The following TLK1 variants were observed in gnomAD, a reference collection of about 807,000 sequenced individuals.
TLK1 encodes the protein tousled like kinase 1, also known as serine/threonine-protein kinase tousled-like 1.
In TLK1, 24 loss-of-function variants were observed where a neutral mutation model predicts 105.3. That is an observed-to-expected ratio of 0.23 (90% CI 0.17 to 0.32). The LOEUF is 0.32. TLK1 is among the 10% of genes least tolerant of loss of function. The pLI is 1.00. For synonymous variants in TLK1, 321 were observed against 310.4 expected (o/e 1.03, Z -0.36); for missense variants, 558 against 910.5 (o/e 0.61, Z 4.98).
chr2:171,123,896 T>C (rs973519492), intron 1 of TLK1, among the ~76,000 whole-genome samples: 3 of 144,852 alleles, frequency 2.1e-5, no homozygotes, highest in Admixed American at 2.1e-4. Context: ...CAGAAACAGA[T>C]ATTGCCAAAT....
chr2:170,994,538 C>CCA (rs780406003), intron 20 of TLK1, among the ~76,000 whole-genome samples: 4 of 129,452 alleles, frequency 3.1e-5, no homozygotes, highest in African/African-American at 1.1e-4. Flanking sequence ...TAGCCTCTTA[C>CCA]AAAAAAAAAA....
At chr2:171,213,665 C>T (rs1186651605) in intron 1 of TLK1, among the ~76,000 whole-genome samples, 3 of 150,712 alleles carry the variant, frequency 2.0e-5, no homozygotes, top group African/African-American at 7.3e-5. Flanking sequence ...TGGCATGCAC[C>T]TGTAGTCCCA....
chr2:171,217,393 G>A (rs2105328926), intron 1 of TLK1, among the ~76,000 whole-genome samples: 1 of 152,266 alleles, frequency 6.6e-6, no homozygotes, highest in Admixed American at 6.5e-5. Flanking sequence ...CTAACATAAG[G>A]AAAAATGACC....
intron 1 of TLK1, among the ~76,000 whole-genome samples, chr2:171,157,549 T>C (rs1447228364): frequency 2.6e-5 from 4 of 152,212 alleles, no homozygotes; most frequent in African/African-American, 9.7e-5. Context: ...TTTCCTAAAT[T>C]CTAATAGATT....
At chr2:171,108,349 T>C (rs1281465297) in intron 2 of TLK1, among the ~76,000 whole-genome samples, 1 of 152,158 alleles carries the variant, frequency 6.6e-6, no homozygotes, top group East Asian at 1.9e-4. Flanking sequence ...TATACTCATA[T>C]ACTATACACT....
intron 3 of TLK1, among the ~76,000 whole-genome samples, chr2:171,064,194 ATTAATT>A (rs1687884888): frequency 6.6e-6 from 1 of 152,230 alleles, no homozygotes; most frequent in Non-Finnish European, 1.5e-5. Context: ...CAGGACTAAA[ATTAATT>A]TTAAGACTGT....
intron 1 of TLK1, among the ~76,000 whole-genome samples, chr2:171,193,852 G>A: frequency 6.6e-6 from 1 of 151,690 alleles, no homozygotes; most frequent in East Asian, 1.9e-4. Flanking sequence ...AAGTAGCTTG[G>A]GATTACAGGC....
chr2:171,027,703 A>G (rs899340252), intron 12 of TLK1, among the ~76,000 whole-genome samples: 2 of 152,238 alleles, frequency 1.3e-5, no homozygotes, highest in African/African-American at 4.8e-5. Context: ...CATCTTTAAA[A>G]TGAAGTATTT....
intron 1 of TLK1, among the ~76,000 whole-genome samples, chr2:171,118,706 C>T (rs1362838475): frequency 1.3e-5 from 2 of 152,164 alleles, no homozygotes; most frequent in African/African-American, 4.8e-5. Context: ...CCAGAAGTGA[C>T]ATAAATGAAT....
chr2:171,078,634 G>A (rs1023748147), intron 3 of TLK1, among the ~76,000 whole-genome samples: 3 of 152,096 alleles, frequency 2.0e-5, no homozygotes, highest in South Asian at 2.1e-4. Flanking sequence ...TGATTCATTC[G>A]CACAGAACAG....
At chr2:171,212,687 C>G (rs947448525) in intron 1 of TLK1, among the ~76,000 whole-genome samples, 12 of 152,070 alleles carry the variant, frequency 7.9e-5, no homozygotes, top group Non-Finnish European at 1.3e-4. Context: ...CCACTCTGTC[C>G]TCATAATTTT....
chr2:171,012,773 G>A (rs1684982527), intron 13 of TLK1, among the ~76,000 whole-genome samples: 1 of 151,966 alleles, frequency 6.6e-6, no homozygotes, highest in South Asian at 2.1e-4. Context: ...CACAACGCCT[G>A]GCCAAAATAC....
intron 18 of TLK1, among the ~76,000 whole-genome samples, chr2:171,001,471 CAA>C (rs2105355981): frequency 6.6e-6 from 1 of 152,272 alleles, no homozygotes; most frequent in South Asian, 2.1e-4. Context: ...AAAAGGGTTC[CAA>C]TTGTCCAGGC....
rs115376328 is a variant in TLK1, at chr2:171,102,748, G to C, written c.258+14991C>G. On this transcript the variant is annotated intron_variant, in intron 2 of 20. Transcript: ENST00000431350. Reference sequence around the variant, plus strand: ...TTCAAGGTTTTTGCCTTTGAAGAATGCTTTATTTGCTATTCATTCATGCAT... The same window carrying C: ...TTCAAGGTTTTTGCCTTTGAAGAATCCTTTATTTGCTATTCATTCATGCAT... Among the ~76,000 whole-genome samples the C allele has an allele frequency of 8.5e-3, 1,292 of 152,202 alleles. 16 individuals are homozygous for C. The highest frequency in any genetic ancestry group is 0.029 in the African/African-American group (1,188 of 41,518).
chr2:171,046,410 T>C (rs755498475), intron 10 of TLK1, 48 bp from the exon 11 acceptor site: 2 of 1,491,384 alleles, frequency 1.3e-6, no homozygotes, highest in Admixed American at 4.7e-5. Flanking sequence ...CCATTACTTT[T>C]CAAGGCTAAA....
At chr2:171,032,354 C>T (rs1316212973) in intron 11 of TLK1, among the ~76,000 whole-genome samples, 3 of 151,852 alleles carry the variant, frequency 2.0e-5, no homozygotes, top group Non-Finnish European at 4.4e-5. Flanking sequence ...CCAAAAAATG[C>T]ACAAGAAAAA....
At chr2:171,169,035 G>A (rs528978921) in intron 1 of TLK1, among the ~76,000 whole-genome samples, 41 of 151,146 alleles carry the variant, frequency 2.7e-4, no homozygotes, top group East Asian at 5.8e-4. Context: ...CCGAGATCTC[G>A]CCACTGCACT....
At position 171,112,701 on chromosome 2, in the gene TLK1, C is replaced by T. The variant is rs544502982; in HGVS notation, c.258+5038G>A. 1.2e-4 allele frequency among the ~76,000 whole-genome samples: 18 copies of T among 152,062 alleles called. No homozygotes were observed. The South Asian group carries it at 3.7e-3, about 32-fold the overall frequency. On this transcript the variant is annotated intron_variant, in intron 2 of 20. Transcript: ENST00000431350. ...CTACAGAACCAACAAACCATTACAA[C>T]CAATAAAAGAGAACAGCAAGACTGC...
chr2:171,197,778 C>G (rs1693302032), intron 1 of TLK1, among the ~76,000 whole-genome samples: 1 of 109,924 alleles, frequency 9.1e-6, no homozygotes, highest in Non-Finnish European at 2.0e-5. Context: ...GACTCTGTCT[C>G]AAAAACAAAA....
Sources: allele counts gnomAD v4.1 joint callset (sites outside exome capture counted in the v4.1 genomes callset), GRCh38; gene constraint gnomAD v4.1.1; transcripts MANE v1.5; gene names NCBI Gene and HGNC (gene_info 2026-07-23, HGNC 2026-07-21).